The following U2AF2 variants were observed in gnomAD, a reference collection of about 807,000 sequenced individuals.
The protein encoded by U2AF2 is U2 small nuclear RNA auxiliary factor 2, also known as splicing factor U2AF 65 kDa subunit.
U2AF2 carries 6 observed loss-of-function variants against 52.6 expected under a neutral mutation model. The observed-to-expected ratio is 0.11, with a 90% confidence interval of 0.06 to 0.23. U2AF2 has a LOEUF of 0.23. Among genes scored for constraint, U2AF2 ranks in the 10% least tolerant of loss-of-function variants. The pLI, the probability that U2AF2 is intolerant of heterozygous loss-of-function variation, is 1.00. For missense variants in U2AF2, 222 were observed against 677.1 expected (o/e 0.33, Z 7.46); for synonymous variants, 284 against 258.2 (o/e 1.10, Z -0.96).
chr19:55,656,486 C>T (rs1983804078), intron 1 of U2AF2, among the ~76,000 whole-genome samples: 1 of 151,292 alleles, frequency 6.6e-6, no homozygotes, highest in Admixed American at 6.6e-5. Flanking sequence ...GCTTTTAATA[C>T]GTTTATATAT....
chr19:55,659,314 C>G lies in U2AF2; in HGVS notation c.154C>G (p.Arg52Gly). The G allele has an allele frequency of 6.3e-7, 1 of 1,575,834 alleles. No homozygotes were observed. Among genetic ancestry groups the G allele is most frequent in the Non-Finnish European group, 8.6e-7 (1 of 1,158,950 alleles). ...CCGCGACCGGCGCAACCGGGACCAG[C>G]GGAGCGCCTCCCGGGACAGGCGACG... ...RSRDRRNRDQRSASRDRRRRS... is the reference protein window; with the variant it reads ...RSRDRRNRDQGSASRDRRRRS... The change falls in exon 2 of 12, where the codon CGG (arginine) becomes GGG (glycine). Residue 52 changes from arginine to glycine, a missense_variant. Physicochemically the swap from Arg to Gly is moderately radical, Grantham distance 125 (BLOSUM62 -2). Around this residue, in one of 4 missense-constraint regions of U2AF2, gnomAD observed 100 missense variants for 144.1 expected, o/e 0.69. Transcript: ENST00000308924.
chr19:55,655,352 G>T (rs1027144683), intron 1 of U2AF2, among the ~76,000 whole-genome samples, 199 bp downstream of exon 1: 4 of 152,178 alleles, frequency 2.6e-5, no homozygotes, highest in Admixed American at 1.3e-4. Context: ...GGGGCGGCGG[G>T]GCGCGGGCCC....
In U2AF2 at chr19:55,660,211, G is replaced by T. The variant is rs148965195; in HGVS notation, c.220G>T (p.Gly74Cys). The T allele has an allele frequency of 1.3e-6, 2 of 1,524,316 alleles. No homozygotes were observed. The highest frequency in any genetic ancestry group is 2.2e-5 in the South Asian group (2 of 89,680). 94.4% of individuals were successfully genotyped at this position (1,524,316 alleles called of 1,614,324 possible). ...PLTRGAKEEH[G>C]GLIRSPRHEK... ...GACCAGAGGCGCTAAAGAGGAGCAC[G>T]GTGGACTGATGTGAGCTTCTCTTCC... is the stretch of plus-strand genomic sequence containing the variant. Residue 74 changes from glycine to cysteine, a missense_variant, in exon 3 of 12, where the codon GGT becomes TGT. By Grantham distance (159) the Gly-to-Cys change is radical (BLOSUM62 -3). Around this residue, in one of 4 missense-constraint regions of U2AF2, gnomAD observed 100 missense variants for 144.1 expected, o/e 0.69. Transcript: ENST00000308924.
chr19:55,668,571 C>T lies in U2AF2; in HGVS notation c.807C>T (p.Tyr269=), dbSNP rs761701314. The change falls in exon 8 of 12, where the codon TAC becomes TAT. Residue 269 remains tyrosine, a synonymous_variant. Transcript: ENST00000308924. The surrounding 1 kb of genome is among the most constrained non-coding windows in gnomAD (Gnocchi z 5.5). ...TGTTCATCGGGGGCTTACCCAACTACCTGAACGATGACCAGGTAACTTCCC... is the reference window on the plus strand; with the variant it reads ...TGTTCATCGGGGGCTTACCCAACTATCTGAACGATGACCAGGTAACTTCCC... ...HKLFIGGLPN[Y]LNDDQVKELL... The T allele has an allele frequency of 3.1e-6, 5 of 1,607,912 alleles. No individual in the cohort carries two copies. Among genetic ancestry groups the T allele is most frequent in the Non-Finnish European group, 4.3e-6 (5 of 1,176,330 alleles).
intron 2 of U2AF2, 75 bp from the exon 3 acceptor site, chr19:55,660,102 T>TGGG: frequency 6.8e-7 from 1 of 1,462,500 alleles, no homozygotes. Flanking sequence ...TCAGTGCCCT[T>TGGG]GGGGGGGTGT....
chr19:55,666,204 G>A (rs1984540831), intron 7 of U2AF2, among the ~76,000 whole-genome samples: 1 of 152,228 alleles, frequency 6.6e-6, no homozygotes, highest in Non-Finnish European at 1.5e-5. Flanking sequence ...AGATGGCCTG[G>A]TCACCATGGG....
At chr19:55,660,366 G>C (rs1984097037) in intron 3 of U2AF2, 145 bp downstream of exon 3, 2 of 1,118,628 alleles carry the variant, frequency 1.8e-6, no homozygotes, top group Admixed American at 4.7e-5. Flanking sequence ...CCCTTTCCCA[G>C]GCCCTGCCCC....
intron 5 of U2AF2, 161 bp from the exon 6 acceptor site, chr19:55,662,341 A>G (rs1012173773): frequency 4.6e-6 from 2 of 438,368 alleles, no homozygotes; most frequent in African/African-American, 2.2e-5. Context: ...ATTGACTTCT[A>G]CACCCCCACC....
Position 55,668,916 on chromosome 19 carries a change from G to A in U2AF2, c.945+124G>A, listed in dbSNP as rs904779084. On this transcript the variant is annotated intron_variant, in intron 9 of 11. Transcript: ENST00000308924. The surrounding 1 kb of genome is among the most constrained non-coding windows in gnomAD (Gnocchi z 5.5). ...CGGCCAACCTGAGGCAGTGCCCTGT[G>A]TGTGGGCTCGTCCCTGTCCCATGGC... 2.0e-4 allele frequency: 300 copies of A among 1,509,938 alleles called. No homozygotes were observed. Among genetic ancestry groups the A allele is most frequent in the Admixed American group, 9.5e-4 (50 of 52,698 alleles). 93.5% of individuals were successfully genotyped at this position (1,509,938 alleles called of 1,614,324 possible). A position where few individuals can be genotyped will look rare whatever the true frequency, so the allele number is the denominator to read the frequency against.
At chr19:55,662,827 G>A (rs1380753195) in intron 6 of U2AF2, among the ~76,000 whole-genome samples, 1 of 152,074 alleles carries the variant, frequency 6.6e-6, no homozygotes, top group African/African-American at 2.4e-5. Context: ...TGACCTGAGA[G>A]GCCTGTTTGG....
chr19:55,662,442 C>G, intron 5 of U2AF2, 60 bp from the exon 6 acceptor site: 2 of 842,766 alleles, frequency 2.4e-6, no homozygotes, highest in African/African-American at 1.9e-5. Context: ...TCTCACCCTT[C>G]CCCTCCTCTC....
intron 11 of U2AF2, among the ~76,000 whole-genome samples, chr19:55,672,411 A>G (rs681433): frequency 0.98 from 149,700 of 152,232 alleles, 73,615 homozygotes; most frequent in African/African-American, 1. Context: ...GTATATTTCT[A>G]TTATTTCTCA....
intron 10 of U2AF2, 60 bp from the exon 11 acceptor site, chr19:55,669,384 G>A: frequency 6.4e-7 from 1 of 1,555,612 alleles, no homozygotes; most frequent in South Asian, 1.2e-5. Flanking sequence ...GCCTAGGCTT[G>A]AGCAGAGGGA....
At chr19:55,670,442 CT>C (rs1984825146) in intron 11 of U2AF2, among the ~76,000 whole-genome samples, 1 of 134,140 alleles carries the variant, frequency 7.5e-6, no homozygotes, top group Non-Finnish European at 1.6e-5. Flanking sequence ...TCCGTGCACC[CT>C]GCTGTCCCGT....
At chr19:55,672,471 T>TTG (rs749704397) in intron 11 of U2AF2, among the ~76,000 whole-genome samples, 4 of 152,166 alleles carry the variant, frequency 2.6e-5, no homozygotes, top group Non-Finnish European at 4.4e-5. Context: ...TTGCTGTGCG[T>TTG]TGTAGGATAT....
intron 2 of U2AF2, among the ~76,000 whole-genome samples, chr19:55,659,813 T>C (rs1023208604): frequency 8.5e-5 from 13 of 152,096 alleles, no homozygotes; most frequent in African/African-American, 3.1e-4. Flanking sequence ...GGGCTGACTT[T>C]TTGGCCCAGG....
chr19:55,662,727 G>A, intron 6 of U2AF2, 109 bp downstream of exon 6: 1 of 914,912 alleles, frequency 1.1e-6, no homozygotes, highest in Non-Finnish European at 1.7e-6. Context: ...CAGGCCCTCT[G>A]CAGCCTCTTC....
At chr19:55,669,336 T>C in intron 10 of U2AF2, 108 bp from the exon 11 acceptor site, 1 of 1,542,572 alleles carries the variant, frequency 6.5e-7, no homozygotes, top group Non-Finnish European at 8.7e-7. Context: ...GTGTTGGAAG[T>C]GGAGAGATGG....
intron 5 of U2AF2, 79 bp from the exon 6 acceptor site, chr19:55,662,423 G>A: frequency 1.8e-6 from 1 of 554,832 alleles, no homozygotes; most frequent in Non-Finnish European, 2.6e-6. Context: ...ACCCCTCTGT[G>A]TCTCCCTCTC....
Sources: allele counts gnomAD v4.1 joint callset (sites outside exome capture counted in the v4.1 genomes callset), GRCh38; gene constraint gnomAD v4.1.1; regional missense constraint gnomAD v4.1.1; non-coding constraint Gnocchi (gnomAD v3.1); transcripts MANE v1.5; gene names NCBI Gene and HGNC (gene_info 2026-07-23, HGNC 2026-07-21).